Variants in USP42 observed in about 807,000 individuals in gnomAD.
USP42 encodes the protein ubiquitin carboxyl-terminal hydrolase 42.
A neutral mutation model predicts 113.0 loss-of-function variants in USP42; 23 were observed. That is an observed-to-expected ratio of 0.20 (90% CI 0.15 to 0.29). USP42 has a LOEUF of 0.29. Among genes scored for constraint, USP42 ranks in the 10% least tolerant of loss-of-function variants. The probability of loss-of-function intolerance (pLI) is 1.00; values close to 1 mark genes in which losing one functional copy is unlikely to be tolerated. For synonymous variants in USP42, 933 were observed against 699.0 expected (o/e 1.33, Z -5.28); for missense variants, 2,174 against 1,779.8 (o/e 1.22, Z -3.99).
rs756518825 is a variant in USP42, at chr7:6,154,905, C to G, written c.3351C>G (p.Pro1117=). 3.4e-5 allele frequency: 52 copies of G among 1,545,530 alleles called. No individual in the cohort carries two copies. The highest frequency in any genetic ancestry group is 4.4e-5 in the Non-Finnish European group (50 of 1,144,208). The change falls in exon 15 of 18, where the codon CCC becomes CCG. Residue 1117 remains proline (P), a synonymous_variant. Transcript: ENST00000306177. ...RERERHRPSS[P]RAGAPHALAP... ...GGGAGCGGCACCGCCCCAGCAGCCC[C>G]CGCGCAGGCGCGCCCCACGCCCTCG... is the stretch of plus-strand genomic sequence containing the variant.
intron 14 of USP42, among the ~76,000 whole-genome samples, chr7:6,151,377 C>T (rs1450074633): frequency 1.4e-4 from 21 of 152,258 alleles, no homozygotes; most frequent in Admixed American, 7.2e-4. Context: ...CTGTTTGACT[C>T]TTTTGTAATA....
chr7:6,159,542 G>A lies in USP42; in HGVS notation c.*36+49G>A. On this transcript the variant is annotated intron_variant, in intron 17 of 17. Coordinates refer to ENST00000306177, the MANE Select transcript of USP42 (RefSeq NM_032172.3). The surrounding 1 kb of genome is among the most constrained non-coding windows in gnomAD (Gnocchi z 4.1). ...CCTCATTGTTTGTGGTGGCGCTGAGGGGACGCAGGCAGAGGAGTTTTAATT... is the reference window on the plus strand; with the variant it reads ...CCTCATTGTTTGTGGTGGCGCTGAGAGGACGCAGGCAGAGGAGTTTTAATT... The A allele has an allele frequency of 1.3e-6, 2 of 1,564,686 alleles. No individual in the cohort carries two copies. Among genetic ancestry groups the A allele is most frequent in the Non-Finnish European group, 1.8e-6 (2 of 1,136,372 alleles).
rs954947314 is a variant in USP42, at chr7:6,157,645, G to C, written c.3943+590G>C. Reference sequence around the variant, plus strand: ...GAACTCTTGGTTTTAAAGCATTTTTGATAGAAATACTTTTGCAGCGTATAC... The same window carrying C: ...GAACTCTTGGTTTTAAAGCATTTTTCATAGAAATACTTTTGCAGCGTATAC... On this transcript the variant is annotated intron_variant, in intron 16 of 17. Transcript: ENST00000306177. This position sits in a 1 kb window ranked among gnomAD's most constrained non-coding sequence, Gnocchi z 4.1. Among the ~76,000 whole-genome samples, 1 of 152,158 alleles carries C rather than the reference G, an allele frequency of 6.6e-6. No individual in the cohort carries two copies. Among genetic ancestry groups the C allele is most frequent in the African/African-American group, 2.4e-5 (1 of 41,436 alleles).
At chr7:6,086,082 T>C in the USP42 span, among the ~76,000 whole-genome samples, 2 of 150,078 alleles carry the variant, frequency 1.3e-5, no homozygotes, top group East Asian at 3.9e-4. Context: ...CTCACCCAGG[T>C]TGGTTTGCAA....
rs146696768 is a variant in USP42, at chr7:6,114,970, G to A, written c.242-353G>A. The stretch of plus-strand genomic sequence containing the variant: ...CTCCCAAAGTGCTGGGATTATAGGC[G>A]TGAGCCACTGTGCCCGGCCCTATAT... On this transcript the variant is annotated intron_variant, in intron 2 of 17. Transcript: ENST00000306177. Among the ~76,000 whole-genome samples the A allele has an allele frequency of 3.5e-3, 530 of 151,986 alleles. 4 individuals carry two copies. Among genetic ancestry groups the A allele is most frequent in the African/African-American group, 0.012 (508 of 41,446 alleles).
chr7:6,105,814 C>T (rs1468050752), intron 1 of USP42, among the ~76,000 whole-genome samples: 1 of 152,210 alleles, frequency 6.6e-6, no homozygotes, highest in Non-Finnish European at 1.5e-5. Flanking sequence ...GTTTTCCCAT[C>T]TAGGACTTTA....
At chr7:6,155,624 G>C (rs1782402119) in intron 15 of USP42, among the ~76,000 whole-genome samples, 1 of 152,164 alleles carries the variant, frequency 6.6e-6, no homozygotes, top group African/African-American at 2.4e-5. Flanking sequence ...CTGTGAGGGA[G>C]GCAGACAACA....
At chr7:6,141,064 C>G (rs1781401722) in intron 7 of USP42, 80 bp downstream of exon 7, 2 of 695,258 alleles carry the variant, frequency 2.9e-6, no homozygotes, top group East Asian at 3.0e-5. Flanking sequence ...ATAATTTAGA[C>G]TACTTGTTAG....
At chr7:6,091,224 C>G in the USP42 span, among the ~76,000 whole-genome samples, 14 of 150,732 alleles carry the variant, frequency 9.3e-5, no homozygotes, top group Non-Finnish European at 2.1e-4. Flanking sequence ...CTCTTCTCTT[C>G]TCTTTTCTTT....
At chr7:6,081,503 G>A in the USP42 span, among the ~76,000 whole-genome samples, 1 of 152,294 alleles carries the variant, frequency 6.6e-6, no homozygotes, top group Non-Finnish European at 1.5e-5. Context: ...GTCCACCCCG[G>A]AAGTAGCCCT....
In USP42 at chr7:6,118,708, C is replaced by T. The variant is rs144478428; in HGVS notation, c.442+3185C>T. Among the ~76,000 whole-genome samples, 298 of 152,046 alleles carry T rather than the reference C, an allele frequency of 2.0e-3. 1 individual carries two copies. The highest frequency in any genetic ancestry group is 6.5e-3 in the African/African-American group (268 of 41,470). ...GTTTATTTTTTTGCATATGGATGTT[C>T]GGTTGTTCTAGCACCATTTGTTGGA... On this transcript the variant is annotated intron_variant, in intron 3 of 17. Transcript: ENST00000306177.
intron 3 of USP42, chr7:6,116,790 C>G (rs1357458398): frequency 7.5e-6 from 4 of 533,160 alleles, no homozygotes; most frequent in Admixed American, 5.8e-5. Flanking sequence ...TTCTCCCTTT[C>G]TCAGTCCATA....
rs1414554119 is a variant in USP42, at chr7:6,159,697, T to C, written c.*36+204T>C. 6.6e-6 allele frequency among the ~76,000 whole-genome samples: 1 copy of C among 152,194 alleles called. No homozygotes were observed. The highest frequency in any genetic ancestry group is 2.4e-5 in the African/African-American group (1 of 41,448). Reference sequence around the variant, plus strand: ...GACCTAGACCCTCCACCTCATCACGTTTGCATTACTGGCTGGGGAAGACCC... The same window carrying C: ...GACCTAGACCCTCCACCTCATCACGCTTGCATTACTGGCTGGGGAAGACCC... On this transcript the variant is annotated intron_variant, in intron 17 of 17. Coordinates refer to ENST00000306177, the MANE Select transcript of USP42 (RefSeq NM_032172.3). This position sits in a 1 kb window ranked among gnomAD's most constrained non-coding sequence, Gnocchi z 4.1.
the USP42 span, among the ~76,000 whole-genome samples, chr7:6,091,987 CTT>C: frequency 2.1e-5 from 1 of 47,648 alleles, no homozygotes; most frequent in Non-Finnish European, 5.0e-5. Flanking sequence ...TTTTCTTCTT[CTT>C]CTTCTTCTTC....
chr7:6,140,743 CT>C (rs1296068294), intron 6 of USP42, among the ~76,000 whole-genome samples, 170 bp from the exon 7 acceptor site: 2 of 152,192 alleles, frequency 1.3e-5, no homozygotes, highest in Non-Finnish European at 2.9e-5. Flanking sequence ...ATTCATTACA[CT>C]TTTCACCCAT....
rs963229167 is a variant in USP42 at position 6,158,284 on chromosome 7, G to A, written c.3944-1166G>A. Among the ~76,000 whole-genome samples the A allele has an allele frequency of 1.3e-5, 2 of 152,234 alleles. No homozygotes were observed. Among genetic ancestry groups the A allele is most frequent in the African/African-American group, 2.4e-5 (1 of 41,466 alleles). On this transcript the variant is annotated intron_variant, in intron 16 of 17. Transcript: ENST00000306177. The surrounding 1 kb of genome is among the most constrained non-coding windows in gnomAD (Gnocchi z 4.2). ...CGGCAGGGCAGGGACCGTGTGGCTCGCAAAGCGGAAAATGTTTATTATTGC... is the reference window on the plus strand; with the variant it reads ...CGGCAGGGCAGGGACCGTGTGGCTCACAAAGCGGAAAATGTTTATTATTGC...
chr7:6,144,115 G>T lies in USP42; in HGVS notation c.909G>T (p.Arg303Ser). 1 of 1,579,882 alleles carries T rather than the reference G, an allele frequency of 6.3e-7. No homozygotes were observed. Among genetic ancestry groups the T allele is most frequent in the Non-Finnish European group, 8.6e-7 (1 of 1,169,402 alleles). ...KCKKMVPASKRFTIHRSSNVL... is the reference protein window; with the variant it reads ...KCKKMVPASKSFTIHRSSNVL... ...AAAAGATGGTTCCAGCTTCAAAGAG[G>T]TTCACTATCCATAGATCCTCTAATG... Residue 303 changes from arginine (R) to serine (S), a missense_variant, in exon 9 of 18, where the codon AGG becomes AGT. Arg to Ser is a moderately radical substitution (Grantham distance 110). Transcript: ENST00000306177.
In USP42 at chr7:6,153,946, C is replaced by G. The variant is rs759680865; in HGVS notation, c.2392C>G (p.Pro798Ala). ...CGCCTGGGAGGCCATGGCCGTCGCCCCCGAGGAGCCTCCGCCCAGCGCCGG... is the reference window on the plus strand; with the variant it reads ...CGCCTGGGAGGCCATGGCCGTCGCCGCCGAGGAGCCTCCGCCCAGCGCCGG... ...EGAWEAMAVA[P>A]EEPPPSAGED... Residue 798 changes from proline (P) to alanine (A), a missense_variant, in exon 15 of 18, where the codon CCC (proline) becomes GCC (alanine). Pro to Ala is a conservative substitution (Grantham distance 27). Transcript: ENST00000306177. 1 of 1,597,732 alleles carries G rather than the reference C, an allele frequency of 6.3e-7. No homozygotes were observed. Among genetic ancestry groups the G allele is most frequent in the Admixed American group, 1.7e-5 (1 of 59,072 alleles).
At chr7:6,109,725 T>TA (rs1343663995) in intron 1 of USP42, among the ~76,000 whole-genome samples, 2 of 142,646 alleles carry the variant, frequency 1.4e-5, no homozygotes, top group African/African-American at 5.4e-5. Context: ...TTTTGAGACT[T>TA]AATCTTGCTC....
Sources: gnomAD v4.1 joint callset for allele counts (sites outside exome capture counted in the v4.1 genomes callset) on GRCh38, gnomAD v4.1.1 for gene constraint, Gnocchi (gnomAD v3.1) non-coding constraint, MANE v1.5 for transcripts, NCBI Gene and HGNC (gene_info 2026-07-23, HGNC 2026-07-21) for gene names.